The following FAM13A variants were observed in gnomAD, a reference collection of about 807,000 sequenced individuals.
FAM13A encodes the protein family with sequence similarity 13 member A, also known as protein FAM13A.
FAM13A carries 76 observed loss-of-function variants against 129.6 expected under a neutral mutation model. The ratio of observed to expected loss-of-function variants is 0.59; its 90% CI spans 0.49 to 0.71. The LOEUF is 0.71. Among genes scored for constraint, FAM13A ranks in the 30% least tolerant of loss-of-function variants. The pLI, the probability that FAM13A is intolerant of heterozygous loss-of-function variation, is 0.00. For synonymous variants in FAM13A, 443 were observed against 449.9 expected, an observed-to-expected ratio of 0.98 and a Z score of 0.20; for missense variants, 1,108 against 1,249.3, an observed-to-expected ratio of 0.89 and a Z score of 1.70.
At chr4:89,005,747 C>G (rs902446251) in intron 3 of FAM13A, among the ~76,000 whole-genome samples, 1 of 152,086 alleles carries the variant, frequency 6.6e-6, no homozygotes. Context: ...CCTTTGCCCA[C>G]TTTTTAATGG....
intron 4 of FAM13A, among the ~76,000 whole-genome samples, chr4:88,982,068 G>C (rs915788211): frequency 6.6e-6 from 1 of 152,240 alleles, no homozygotes; most frequent in Non-Finnish European, 1.5e-5. Flanking sequence ...TCCAAGCCTG[G>C]TGGAAGCAGA....
intron 21 of FAM13A, among the ~76,000 whole-genome samples, chr4:88,733,074 A>G (rs1738201064): frequency 6.6e-6 from 1 of 152,188 alleles, no homozygotes; most frequent in African/African-American, 2.4e-5. Context: ...TTCGGAATAC[A>G]GCCACATAAA....
In FAM13A at chr4:89,055,021, T is replaced by C. The variant is rs561356378; in HGVS notation, c.27+1917A>G. On this transcript the variant is annotated intron_variant, in intron 1 of 23. Coordinates refer to ENST00000264344, the MANE Select transcript of FAM13A (RefSeq NM_014883.4). ...CTGGCCCTTCTTTGAATCTCATATT[T>C]GAGGGGCTCTCATATCCATATACAT... Among the ~76,000 whole-genome samples, 4 of 152,336 alleles carry C rather than the reference T, an allele frequency of 2.6e-5. No individual in the cohort carries two copies. In the South Asian group the frequency reaches 6.2e-4, roughly 24 times the overall value.
At chr4:89,044,280 T>A (rs984428521) in intron 1 of FAM13A, among the ~76,000 whole-genome samples, 1 of 152,202 alleles carries the variant, frequency 6.6e-6, no homozygotes, top group Non-Finnish European at 1.5e-5. Flanking sequence ...TATAATCATT[T>A]TTCCAAATAA....
intron 3 of FAM13A, among the ~76,000 whole-genome samples, chr4:88,998,821 A>T (rs1204367863): frequency 1.3e-5 from 2 of 151,558 alleles, no homozygotes. Context: ...TGGAGTGATG[A>T]GAAGCTTATA....
chr4:89,046,377 A>C (rs994291259), intron 1 of FAM13A, among the ~76,000 whole-genome samples: 1 of 152,216 alleles, frequency 6.6e-6, no homozygotes, highest in African/African-American at 2.4e-5. Context: ...CGGTAGGAGA[A>C]AGTAAATGGC....
intron 1 of FAM13A, among the ~76,000 whole-genome samples, chr4:89,043,942 A>C (rs1285181402): frequency 4.0e-5 from 6 of 151,894 alleles, no homozygotes; most frequent in African/African-American, 1.5e-4. Context: ...ATCAATAAGC[A>C]AGCCAGCAAG....
chr4:88,954,994 A>C (rs1254038255), intron 4 of FAM13A, among the ~76,000 whole-genome samples: 1 of 152,100 alleles, frequency 6.6e-6, no homozygotes, highest in African/African-American at 2.4e-5. Context: ...TCTTGATTCT[A>C]ATCCCATCAG....
rs2149021940 is a variant in FAM13A at position 88,991,052 on chromosome 4, TC to T, written c.525del (p.Thr176GlnfsTer3). 6.2e-7 allele frequency: 1 copy of T among 1,614,036 alleles called. No individual in the cohort carries two copies. The highest frequency in any genetic ancestry group is 8.5e-7 in the Non-Finnish European group (1 of 1,179,900). On this transcript the variant is annotated frameshift_variant, in exon 4 of 24. Transcript: ENST00000264344. LOFTEE classifies it high-confidence loss of function. ...TGCACATGATGCTTGGCTACTTTTG[TC>T]AAGAACTGGCAAAGGTACTTGAGGA... ...YCLLKYLCQF[L>X]TKVAKHHVQN... is the part of the protein sequence containing the mutation.
intron 4 of FAM13A, among the ~76,000 whole-genome samples, chr4:88,942,792 T>A (rs971139063): frequency 1.3e-5 from 2 of 152,108 alleles, no homozygotes; most frequent in East Asian, 1.9e-4. Flanking sequence ...TTGAAAAAAA[T>A]AGTCTCCTTA....
intron 20 of FAM13A, among the ~76,000 whole-genome samples, chr4:88,738,089 C>T (rs1272713410): frequency 3.3e-5 from 5 of 152,196 alleles, no homozygotes; most frequent in Non-Finnish European, 7.3e-5. Flanking sequence ...TCTTCAAATA[C>T]ACCTGCCTGA....
At chr4:88,864,924 A>G (rs1203086542) in intron 6 of FAM13A, among the ~76,000 whole-genome samples, 5 of 152,206 alleles carry the variant, frequency 3.3e-5, no homozygotes, top group Non-Finnish European at 7.3e-5. Flanking sequence ...CTAGCTATTA[A>G]GTGACTACAG....
Position 88,728,444 on chromosome 4 carries a change from GCC to G in FAM13A, c.*87_*88del. 6.5e-7 allele frequency: 1 copy of G among 1,548,040 alleles called. No homozygotes were observed. Among genetic ancestry groups the G allele is most frequent in the Non-Finnish European group, 8.9e-7 (1 of 1,127,334 alleles). ...AAGGGCTGCATGCTTTGCAGGGCCA[GCC>G]CCAAGGCTGCCTTCCAGAGCTGCAC... On this transcript the variant is annotated 3_prime_UTR_variant, in exon 24 of 24. Transcript: ENST00000264344.
chr4:89,016,494 T>C (rs149550143), intron 3 of FAM13A, among the ~76,000 whole-genome samples: 2,308 of 152,286 alleles, frequency 0.015, 63 homozygotes, highest in African/African-American at 0.052. Flanking sequence ...TAGGCCTTCA[T>C]ATTCACTCAC....
chr4:88,928,973 T>C (rs1752638048), intron 5 of FAM13A, among the ~76,000 whole-genome samples: 1 of 152,214 alleles, frequency 6.6e-6, no homozygotes, highest in Admixed American at 6.5e-5. Context: ...GATTGCTTTA[T>C]AAGAACTCTG....
intron 3 of FAM13A, among the ~76,000 whole-genome samples, chr4:89,017,427 T>C (rs974616080): frequency 6.6e-6 from 1 of 152,168 alleles, no homozygotes; most frequent in Non-Finnish European, 1.5e-5. Flanking sequence ...ATAAAGAATA[T>C]GGCGACTCAC....
intron 13 of FAM13A, among the ~76,000 whole-genome samples, chr4:88,765,758 T>C (rs1383582803): frequency 6.6e-6 from 1 of 152,196 alleles, no homozygotes; most frequent in Non-Finnish European, 1.5e-5. Flanking sequence ...GGTGCAGCTG[T>C]GGTAGAAAGG....
At chr4:88,823,882 T>G (rs939824563) in intron 7 of FAM13A, among the ~76,000 whole-genome samples, 3 of 152,240 alleles carry the variant, frequency 2.0e-5, no homozygotes, top group African/African-American at 7.2e-5. Context: ...CAGAATCCAC[T>G]CTAATGAAAA....
At chr4:89,025,245 G>GTTGTTTTTTTTTTTT (rs1767781429) in intron 2 of FAM13A, among the ~76,000 whole-genome samples, 2 of 61,362 alleles carry the variant, frequency 3.3e-5, no homozygotes, top group African/African-American at 1.1e-4. Flanking sequence ...TGGAATCATT[G>GTTGTTTTTTTTTTTT]TTTTTTTTTT....
Sources: gnomAD v4.1 joint callset for allele counts (sites outside exome capture counted in the v4.1 genomes callset) on GRCh38, gnomAD v4.1.1 for gene constraint, MANE v1.5 for transcripts, NCBI Gene and HGNC (gene_info 2026-07-23, HGNC 2026-07-21) for gene names.